The following JAZF1 variants were observed in gnomAD, a reference collection of about 807,000 sequenced individuals.
JAZF1 encodes juxtaposed with another zinc finger protein 1.
A neutral mutation model predicts 26.4 loss-of-function variants in JAZF1; 8 were observed. The observed-to-expected ratio is 0.30, with a 90% confidence interval of 0.18 to 0.55. JAZF1 has a LOEUF of 0.55. JAZF1 is among the 20% of genes least tolerant of loss of function. JAZF1 has a pLI of 0.94. For synonymous variants in JAZF1, 126 were observed against 122.3 expected, an observed-to-expected ratio of 1.03 and a Z score of -0.20; for missense variants, 199 against 322.0, an observed-to-expected ratio of 0.62 and a Z score of 2.92.
intron 2 of JAZF1, among the ~76,000 whole-genome samples, chr7:27,909,759 A>G (rs1325660093): frequency 6.6e-6 from 1 of 152,124 alleles, no homozygotes; most frequent in Non-Finnish European, 1.5e-5. Context: ...AACAACCGCC[A>G]CAATGTCAAT....
chr7:28,160,714 A>C (rs1783271273), intron 1 of JAZF1, among the ~76,000 whole-genome samples: 1 of 152,222 alleles, frequency 6.6e-6, no homozygotes, highest in African/African-American at 2.4e-5. Context: ...ATATTTATCG[A>C]AACAGCTCCA....
intron 3 of JAZF1, among the ~76,000 whole-genome samples, chr7:27,863,425 C>T (rs533716922): frequency 6.6e-6 from 1 of 152,298 alleles, no homozygotes; most frequent in Admixed American, 6.5e-5. Flanking sequence ...GCTCAGCATT[C>T]AGGTCATGTC....
intron 2 of JAZF1, chr7:27,914,898 T>G (rs1380168420): frequency 2.1e-6 from 1 of 466,198 alleles, no homozygotes; most frequent in African/African-American, 2.0e-5. Context: ...AGGACCTAGT[T>G]TATTCATGGC....
At chr7:28,082,199 C>T (rs1784148370) in intron 1 of JAZF1, among the ~76,000 whole-genome samples, 1 of 152,106 alleles carries the variant, frequency 6.6e-6, no homozygotes, top group Non-Finnish European at 1.5e-5. Context: ...GGTAGAATTT[C>T]TCAGACAAAT....
intron 3 of JAZF1, among the ~76,000 whole-genome samples, chr7:27,851,508 C>G (rs1405464849): frequency 1.3e-5 from 2 of 151,988 alleles, no homozygotes; most frequent in Non-Finnish European, 2.9e-5. Flanking sequence ...AAAAAATTAG[C>G]TGGGTGTGGT....
chr7:27,970,979 G>A (rs1217679678), intron 2 of JAZF1, among the ~76,000 whole-genome samples: 1 of 152,134 alleles, frequency 6.6e-6, no homozygotes, highest in Non-Finnish European at 1.5e-5. Flanking sequence ...TATGATGCAT[G>A]GTCACCGTGA....
intron 1 of JAZF1, among the ~76,000 whole-genome samples, chr7:28,038,991 T>C (rs1424227474): frequency 6.6e-6 from 1 of 152,210 alleles, no homozygotes; most frequent in Non-Finnish European, 1.5e-5. Context: ...TCTCTACAAC[T>C]TTAATGCTTA....
rs1190741695 is a variant in JAZF1, at chr7:27,841,203, T to G, written c.386-336A>C. 1.7e-5 allele frequency: 4 copies of G among 237,362 alleles called. No homozygotes were observed. The Admixed American group carries it at 2.1e-4, about 12-fold the overall frequency. The allele number at this position is 237,362 out of a possible 1,614,324, so 14.7% of individuals were successfully genotyped here. ...CTTGCTCTGGGGCCAAAACCAAAAA[T>G]AAGCAACGATGACAGGCTCCTCACA... On this transcript the variant is annotated intron_variant, in intron 3 of 4. Coordinates refer to ENST00000283928, the MANE Select transcript of JAZF1 (RefSeq NM_175061.4).
intron 1 of JAZF1, among the ~76,000 whole-genome samples, chr7:28,098,197 T>C (rs966214370): frequency 6.6e-6 from 1 of 152,084 alleles, no homozygotes; most frequent in African/African-American, 2.4e-5. Context: ...CAGAGAGTTT[T>C]TCTTCTCCCT....
At chr7:28,090,442 T>A (rs898648254) in intron 1 of JAZF1, among the ~76,000 whole-genome samples, 15 of 152,250 alleles carry the variant, frequency 9.9e-5, no homozygotes, top group Non-Finnish European at 1.8e-4. Flanking sequence ...TTAAACATTA[T>A]TAAATCAAAG....
Position 28,015,149 on chromosome 7 carries a change from C to G in JAZF1, c.116-23168G>C, listed in dbSNP as rs533607899. On this transcript the variant is annotated intron_variant, in intron 1 of 4. Transcript: ENST00000283928. Reference sequence around the variant, plus strand: ...GCAGCTCAAGTTTGAGAGCTACTGACAGAGCTTCAGAGTCCTCGAAGCACC... The same window carrying G: ...GCAGCTCAAGTTTGAGAGCTACTGAGAGAGCTTCAGAGTCCTCGAAGCACC... 2.0e-5 allele frequency among the ~76,000 whole-genome samples: 3 copies of G among 152,112 alleles called. No individual in the cohort carries two copies. In the East Asian group the frequency reaches 5.8e-4, roughly 29 times the overall value.
intron 2 of JAZF1, among the ~76,000 whole-genome samples, chr7:27,977,422 G>A (rs1267300699): frequency 6.6e-6 from 1 of 152,154 alleles, no homozygotes; most frequent in Non-Finnish European, 1.5e-5. Context: ...TCATTGGGGT[G>A]CTTTTAGAGC....
At chr7:27,871,157 C>A (rs569208673) in intron 3 of JAZF1, among the ~76,000 whole-genome samples, 3 of 152,210 alleles carry the variant, frequency 2.0e-5, no homozygotes, top group African/African-American at 7.2e-5. Context: ...TGAATAACTT[C>A]GCTGTTCCTC....
chr7:28,180,638 G>T lies in JAZF1; in HGVS notation c.-61C>A. ...GCGAGCGCCGGGCGGGCGAGGGAGG[G>T]AGGGAGGCCGGGTGGGGTGAGGAGA... On this transcript the variant is annotated 5_prime_UTR_variant, in exon 1 of 5. Transcript: ENST00000283928. The T allele has an allele frequency of 1.8e-6, 2 of 1,142,524 alleles. No individual in the cohort carries two copies. Among genetic ancestry groups the T allele is most frequent in the Non-Finnish European group, 1.3e-6 (1 of 780,714 alleles). 70.8% of individuals were successfully genotyped at this position (1,142,524 alleles called of 1,614,324 possible).
chr7:27,930,661 C>T (rs1784674844), intron 2 of JAZF1, among the ~76,000 whole-genome samples: 1 of 150,268 alleles, frequency 6.7e-6, no homozygotes. Context: ...AAAAACTGTT[C>T]AGTTATTTTT....
chr7:27,895,419 GA>G lies in JAZF1; in HGVS notation c.189-4del. ...GGCGGGCAGCATCTGTCATGAATCTGAAACAATAATGGAAGGTAAGGAACCT... is the reference window on the plus strand; with the variant it reads ...GGCGGGCAGCATCTGTCATGAATCTGAACAATAATGGAAGGTAAGGAACCT... On this transcript the variant is annotated splice_region_variant and splice_polypyrimidine_tract_variant and intron_variant, in intron 2 of 4. Coordinates refer to ENST00000283928, the MANE Select transcript of JAZF1 (RefSeq NM_175061.4). The G allele has an allele frequency of 6.3e-7, 1 of 1,590,142 alleles. No individual in the cohort carries two copies. The highest frequency in any genetic ancestry group is 1.1e-5 in the South Asian group (1 of 87,382).
At chr7:27,896,838 T>C (rs1784073716) in intron 2 of JAZF1, among the ~76,000 whole-genome samples, 1 of 152,250 alleles carries the variant, frequency 6.6e-6, no homozygotes, top group South Asian at 2.1e-4. Context: ...TTTTATATGC[T>C]GAACTGAGCT....
chr7:27,962,151 G>A (rs973467976), intron 2 of JAZF1, among the ~76,000 whole-genome samples: 8 of 152,142 alleles, frequency 5.3e-5, no homozygotes, highest in Non-Finnish European at 1.2e-4. Context: ...ATTCACTGCA[G>A]TATGGATATT....
intron 1 of JAZF1, among the ~76,000 whole-genome samples, chr7:28,123,227 C>T (rs1010250079): frequency 1.3e-5 from 2 of 152,166 alleles, no homozygotes; most frequent in Non-Finnish European, 2.9e-5. Flanking sequence ...TACTCCGAAT[C>T]ATGACCACCC....
Sources: allele counts gnomAD v4.1 joint callset (sites outside exome capture counted in the v4.1 genomes callset), GRCh38; gene constraint gnomAD v4.1.1; transcripts MANE v1.5; gene names NCBI Gene and HGNC (gene_info 2026-07-23, HGNC 2026-07-21).